Variants in MAD1L1 observed in about 807,000 individuals in gnomAD.
The protein encoded by MAD1L1 is mitotic spindle assembly checkpoint protein MAD1.
A neutral mutation model predicts 96.9 loss-of-function variants in MAD1L1; 95 were observed. That is an observed-to-expected ratio of 0.98 (90% CI 0.83 to 1.16). MAD1L1 has a LOEUF of 1.16. Among genes scored for constraint, MAD1L1 ranks in the 50% most tolerant of loss-of-function variants. The probability of loss-of-function intolerance (pLI) is 0.00; values close to 1 mark genes in which losing one functional copy is unlikely to be tolerated. For synonymous variants in MAD1L1, 473 were observed against 396.6 expected (o/e 1.19, Z -2.29); for missense variants, 1,007 against 954.4 (o/e 1.06, Z -0.73).
Position 2,217,976 on chromosome 7 carries a change from C to G in MAD1L1, c.664G>C (p.Glu222Gln). The G allele has an allele frequency of 6.2e-7, 1 of 1,613,818 alleles. No homozygotes were observed. Among genetic ancestry groups the G allele is most frequent in the Non-Finnish European group, 8.5e-7 (1 of 1,179,710 alleles). Residue 222 changes from glutamate to glutamine, a missense_variant, in exon 7 of 19, where the codon GAG becomes CAG. Glu to Gln is a conservative substitution (Grantham distance 29). Coordinates refer to ENST00000265854, the MANE Select transcript of MAD1L1 (RefSeq NM_001013836.2). ...GAGTGACTCACCTTAATCTGCTGCTCGTGGTCTGCTCTTGCTTCTTGGCTG... is the reference window on the plus strand; with the variant it reads ...GAGTGACTCACCTTAATCTGCTGCTGGTGGTCTGCTCTTGCTTCTTGGCTG... Reference protein sequence around the residue: ...QASQEARADHEQQIKDLEQKL... With the variant: ...QASQEARADHQQQIKDLEQKL...
chr7:2,177,688 C>A (rs1308199545), intron 10 of MAD1L1, among the ~76,000 whole-genome samples: 1 of 152,218 alleles, frequency 6.6e-6, no homozygotes, highest in Non-Finnish European at 1.5e-5. Flanking sequence ...CCTCATCAGG[C>A]ATTTCACACT....
At chr7:2,060,703 G>A (rs1000932770) in intron 12 of MAD1L1, among the ~76,000 whole-genome samples, 8 of 152,228 alleles carry the variant, frequency 5.3e-5, no homozygotes, top group Admixed American at 2.0e-4. Flanking sequence ...CCATGGCAGC[G>A]CCACGCGTGG....
At chr7:1,822,799 A>G (rs117553548) in intron 18 of MAD1L1, among the ~76,000 whole-genome samples, 1,913 of 151,426 alleles carry the variant, frequency 0.013, 18 homozygotes, top group Non-Finnish European at 0.017. Flanking sequence ...ATTCCAAAAA[A>G]GAAGAGTAGA....
At chr7:2,086,232 C>T (rs951238101) in intron 11 of MAD1L1, among the ~76,000 whole-genome samples, 2 of 152,240 alleles carry the variant, frequency 1.3e-5, no homozygotes, top group Admixed American at 6.5e-5. Context: ...TCAGATTCTC[C>T]GTCCTCCTCC....
intron 11 of MAD1L1, among the ~76,000 whole-genome samples, chr7:2,093,657 T>A (rs1295628170): frequency 6.6e-6 from 1 of 152,026 alleles, no homozygotes; most frequent in Non-Finnish European, 1.5e-5. Context: ...GCTCACAGAA[T>A]GTGGGGAAAG....
chr7:2,064,926 CAGG>C (rs1359998688), intron 12 of MAD1L1, among the ~76,000 whole-genome samples: 2 of 151,946 alleles, frequency 1.3e-5, no homozygotes, highest in East Asian at 1.9e-4. Flanking sequence ...AGGCTTCTTC[CAGG>C]AGGACAGCAG....
intron 12 of MAD1L1, among the ~76,000 whole-genome samples, chr7:2,067,360 A>C (rs534175861): frequency 6.6e-6 from 1 of 152,198 alleles, no homozygotes; most frequent in Admixed American, 6.5e-5. Flanking sequence ...AGAATGAGGG[A>C]CATCTGAGAT....
intron 13 of MAD1L1, among the ~76,000 whole-genome samples, chr7:2,013,103 G>A (rs1782375000): frequency 6.6e-6 from 1 of 152,208 alleles, no homozygotes; most frequent in African/African-American, 2.4e-5. Context: ...CGGCTCCAGG[G>A]GCCAGAGGCT....
At chr7:1,955,058 A>T (rs1779666026) in intron 16 of MAD1L1, among the ~76,000 whole-genome samples, 1 of 152,204 alleles carries the variant, frequency 6.6e-6, no homozygotes, top group Non-Finnish European at 1.5e-5. Flanking sequence ...GCACCGCGGG[A>T]GGGCAGCGGC....
Position 1,879,726 on chromosome 7 carries a change from A to G in MAD1L1, c.1998+18474T>C, listed in dbSNP as rs28620178. ...ACAGAGTTCAGAAACAGAACCACACATATGGCAAACTGATTTTCTTTTGAG... is the reference window on the plus strand; with the variant it reads ...ACAGAGTTCAGAAACAGAACCACACGTATGGCAAACTGATTTTCTTTTGAG... On this transcript the variant is annotated intron_variant, in intron 18 of 18. Transcript: ENST00000265854. 4.3e-3 allele frequency among the ~76,000 whole-genome samples: 652 copies of G among 152,302 alleles called. 4 individuals carry two copies. Among genetic ancestry groups the G allele is most frequent in the African/African-American group, 0.015 (616 of 41,566 alleles).
chr7:1,913,438 G>A (rs1788148186), intron 17 of MAD1L1, among the ~76,000 whole-genome samples: 1 of 125,980 alleles, frequency 7.9e-6, no homozygotes, highest in East Asian at 2.4e-4. Context: ...CGCCCGGCCT[G>A]GAGAAGGGAA....
At chr7:1,899,012 A>C (rs1290361820) in intron 17 of MAD1L1, among the ~76,000 whole-genome samples, 1 of 152,178 alleles carries the variant, frequency 6.6e-6, no homozygotes, top group Non-Finnish European at 1.5e-5. Flanking sequence ...TCCGGATCCT[A>C]CTGCCCCGGG....
chr7:2,091,199 G>A (rs956371094), intron 11 of MAD1L1, among the ~76,000 whole-genome samples: 3 of 152,130 alleles, frequency 2.0e-5, no homozygotes, highest in African/African-American at 4.8e-5. Context: ...CTCCTCCTGT[G>A]TATTTCCTAC....
intron 9 of MAD1L1, among the ~76,000 whole-genome samples, chr7:2,215,068 CA>C (rs1454096435): frequency 1.3e-5 from 2 of 151,060 alleles, no homozygotes; most frequent in Non-Finnish European, 3.0e-5. Flanking sequence ...CCCATCTCTA[CA>C]AAAAAAAATT....
chr7:2,105,388 G>A (rs922939892), intron 11 of MAD1L1, among the ~76,000 whole-genome samples: 1 of 151,456 alleles, frequency 6.6e-6, no homozygotes, highest in African/African-American at 2.4e-5. Flanking sequence ...AGTGCCCTAC[G>A]GGGCGGTCTC....
intron 10 of MAD1L1, among the ~76,000 whole-genome samples, chr7:2,203,165 A>G (rs1346846838): frequency 1.3e-5 from 2 of 152,240 alleles, no homozygotes; most frequent in African/African-American, 4.8e-5. Flanking sequence ...GCAAGGAGCC[A>G]AAAACAGCGG....
intron 16 of MAD1L1, 134 bp from the exon 17 acceptor site, chr7:1,937,031 G>T (rs2280548): frequency 0.35 from 242,952 of 702,972 alleles, 45,122 homozygotes; most frequent in East Asian, 0.44. Context: ...CAGTTCTTTT[G>T]TCTTCTTGAG....
chr7:2,011,936 C>A (rs574737751), intron 13 of MAD1L1, among the ~76,000 whole-genome samples: 3 of 152,232 alleles, frequency 2.0e-5, no homozygotes, highest in Admixed American at 2.0e-4. Context: ...GGAGGACCAG[C>A]CGTGTGAACT....
intron 18 of MAD1L1, among the ~76,000 whole-genome samples, chr7:1,828,753 A>G (rs530342402): frequency 1.3e-5 from 2 of 152,354 alleles, no homozygotes; most frequent in East Asian, 1.9e-4. Context: ...ACAGCCTCGC[A>G]GCACTCAACA....
Sources: gnomAD v4.1 joint callset for allele counts (sites outside exome capture counted in the v4.1 genomes callset) on GRCh38, gnomAD v4.1.1 for gene constraint, MANE v1.5 for transcripts, NCBI Gene and HGNC (gene_info 2026-07-23, HGNC 2026-07-21) for gene names.